Variants in PKDCC observed in about 807,000 individuals in gnomAD.
The protein encoded by PKDCC is extracellular tyrosine-protein kinase PKDCC.
A neutral mutation model predicts 44.7 loss-of-function variants in PKDCC; 35 were observed. That is an observed-to-expected ratio of 0.78 (90% CI 0.60 to 1.04). PKDCC has a LOEUF of 1.04. Among genes scored for constraint, PKDCC ranks in the 50% least tolerant of loss-of-function variants. The pLI is 0.00. For missense variants in PKDCC, 738 were observed against 672.7 expected (o/e 1.10, Z -1.07); for synonymous variants, 353 against 303.3 (o/e 1.16, Z -1.70).
Position 42,055,375 on chromosome 2 carries a change from ACGG to A in PKDCC, c.1206_1208del (p.Ala403del). ...GAGCGGGCAGTATCTGCAGAACTCCACGGCAAGCAGCAGTACCGGTGAGTGGCC... is the reference window on the plus strand; with the variant it reads ...GAGCGGGCAGTATCTGCAGAACTCCACAAGCAGCAGTACCGGTGAGTGGCC... On this transcript the variant is annotated inframe_deletion, in exon 5 of 7. Transcript: ENST00000294964. The surrounding 1 kb of genome is among the most constrained non-coding windows in gnomAD (Gnocchi z 4.5). The A allele has an allele frequency of 1.9e-6, 3 of 1,613,576 alleles. No individual in the cohort carries two copies. The highest frequency in any genetic ancestry group is 2.5e-6 in the Non-Finnish European group (3 of 1,179,934).
At chr2:42,056,445 C>G (rs184811517) in intron 5 of PKDCC, among the ~76,000 whole-genome samples, 1 of 152,072 alleles carries the variant, frequency 6.6e-6, no homozygotes, top group African/African-American at 2.4e-5. Flanking sequence ...TCAAAAACCC[C>G]GACTCCCTTC....
rs1447818695 is a variant in PKDCC at position 42,055,271 on chromosome 2, C to T, written c.1115-15C>T. 4 of 1,607,944 alleles carry T rather than the reference C, an allele frequency of 2.5e-6. No homozygotes were observed. Among genetic ancestry groups the T allele is most frequent in the Non-Finnish European group, 3.4e-6 (4 of 1,177,318 alleles). On this transcript the variant is annotated splice_polypyrimidine_tract_variant and intron_variant, in intron 4 of 6. Coordinates refer to ENST00000294964, the MANE Select transcript of PKDCC (RefSeq NM_138370.3). The surrounding 1 kb of genome is among the most constrained non-coding windows in gnomAD (Gnocchi z 4.5). ...AGCCCCAGGCATCCTGTCTTAGCCA[C>T]ACTGCACTCTGCAGGAGAGCTCGCC...
At position 42,048,790 on chromosome 2, in the gene PKDCC, T is replaced by G; in HGVS notation, c.591T>G (p.Leu197=). Residue 197 remains leucine (L), a synonymous_variant, in exon 1 of 7, where the codon CTT becomes CTG. Coordinates refer to ENST00000294964, the MANE Select transcript of PKDCC (RefSeq NM_138370.3). The surrounding 1 kb of genome is among the most constrained non-coding windows in gnomAD (Gnocchi z 6.2). ...ATCGGCTGGCGGCCCACAAGCTGCTTAAGGAGATGGTGCTGCTGGAGCGGC... is the reference window on the plus strand; with the variant it reads ...ATCGGCTGGCGGCCCACAAGCTGCTGAAGGAGATGGTGCTGCTGGAGCGGC... ...GCYRLAAHKL[L]KEMVLLERLR... 6.6e-7 allele frequency: 1 copy of G among 1,504,876 alleles called. No individual in the cohort carries two copies. Among genetic ancestry groups the G allele is most frequent in the Non-Finnish European group, 8.9e-7 (1 of 1,119,780 alleles). The allele number at this position is 1,504,876 out of a possible 1,614,324, so 93.2% of individuals were successfully genotyped here. A position where few individuals can be genotyped will look rare whatever the true frequency, so the allele number is the denominator to read the frequency against.
rs998596106 is a variant in PKDCC at position 42,054,509 on chromosome 2, G to A, written c.1034+202G>A. Reference sequence around the variant, plus strand: ...AAATAGACAGCTCCAAGGAGAATCCGGGTTAGGGGGTGGCAGCTGGAGGCT... The same window carrying A: ...AAATAGACAGCTCCAAGGAGAATCCAGGTTAGGGGGTGGCAGCTGGAGGCT... On this transcript the variant is annotated intron_variant, in intron 3 of 6. Transcript: ENST00000294964. This position sits in a 1 kb window ranked among gnomAD's most constrained non-coding sequence, Gnocchi z 6.1. The A allele has an allele frequency of 4.6e-6, 3 of 649,780 alleles. No homozygotes were observed. Among genetic ancestry groups the A allele is most frequent in the Non-Finnish European group, 7.7e-6 (3 of 388,852 alleles). 40.3% of individuals were successfully genotyped at this position (649,780 alleles called of 1,614,324 possible). A position where few individuals can be genotyped will look rare whatever the true frequency, so the allele number is the denominator to read the frequency against.
In PKDCC at chr2:42,054,935, C is replaced by T. The variant is rs746449609; in HGVS notation, c.1035-6C>T. 4 of 1,612,466 alleles carry T rather than the reference C, an allele frequency of 2.5e-6. No individual in the cohort carries two copies. The highest frequency in any genetic ancestry group is 3.4e-6 in the Non-Finnish European group (4 of 1,178,604). Reference sequence around the variant, plus strand: ...TTCCTGAGCCACTGGTTTCCCTCTGCCACAGGTTTTTCTTCACATACCTCC... The same window carrying T: ...TTCCTGAGCCACTGGTTTCCCTCTGTCACAGGTTTTTCTTCACATACCTCC... On this transcript the variant is annotated splice_region_variant and splice_polypyrimidine_tract_variant and intron_variant, in intron 3 of 6. Transcript: ENST00000294964. The surrounding 1 kb of genome is among the most constrained non-coding windows in gnomAD (Gnocchi z 6.1).
Position 42,051,914 on chromosome 2 carries a change from C to T in PKDCC, c.640-1325C>T, listed in dbSNP as rs192648409. On this transcript the variant is annotated intron_variant, in intron 1 of 6. Transcript: ENST00000294964. The surrounding 1 kb of genome is among the most constrained non-coding windows in gnomAD (Gnocchi z 4.2). ...TGCACAGGGATATCCACCCCTCCAC[C>T]GCATAGCTCTCCTCTCCCTGAGTCG... 3.2e-4 allele frequency among the ~76,000 whole-genome samples: 48 copies of T among 152,214 alleles called. No homozygotes were observed. Among genetic ancestry groups the T allele is most frequent in the African/African-American group, 7.9e-4 (33 of 41,524 alleles).
chr2:42,048,346 TCG>T lies in PKDCC; in HGVS notation c.150_151del (p.Gly52ProfsTer119). 1 of 1,161,048 alleles carries T rather than the reference TCG, an allele frequency of 8.6e-7. No individual in the cohort carries two copies. The highest frequency in any genetic ancestry group is 3.9e-5 in the East Asian group (1 of 25,634). The allele number at this position is 1,161,048 out of a possible 1,614,324, so 71.9% of individuals were successfully genotyped here. A position where few individuals can be genotyped will look rare whatever the true frequency, so the allele number is the denominator to read the frequency against. On this transcript the variant is annotated frameshift_variant, in exon 1 of 7. Transcript: ENST00000294964. LOFTEE classifies it high-confidence loss of function. This position sits in a 1 kb window ranked among gnomAD's most constrained non-coding sequence, Gnocchi z 6.2. Reference sequence around the variant, plus strand: ...CTTCGCCGGCCCCGGGTCCGGGCCGTCGCGGGGGCCGCGGGGAGCTGGCCCGG... The same window carrying T: ...CTTCGCCGGCCCCGGGTCCGGGCCGTCGGGGGCCGCGGGGAGCTGGCCCGG... ...EPSPAPGPGR[R>X]GGRGELARQI...
chr2:42,053,345 GGGA>G lies in PKDCC; in HGVS notation c.750_752del (p.Glu250del). 2 of 1,613,112 alleles carry G rather than the reference GGGA, an allele frequency of 1.2e-6. No individual in the cohort carries two copies. Among genetic ancestry groups the G allele is most frequent in the South Asian group, 2.2e-5 (2 of 90,950 alleles). ...ATGATCCAGCTGCTGCAAACTTCCT[GGGA>G]GGATCGATTCCGAGTGAGCTCAGAG... is the stretch of plus-strand genomic sequence containing the variant. On this transcript the variant is annotated inframe_deletion, in exon 2 of 7. Transcript: ENST00000294964.
chr2:42,054,135 G>C lies in PKDCC; in HGVS notation c.862G>C (p.Asp288His), dbSNP rs1435923217. Reference sequence around the variant, plus strand: ...CCGCCCTCGGCAGTTTGTGCTGGTGGATGGGGAGCTCAAAGTGACGGACCT... The same window carrying C: ...CCGCCCTCGGCAGTTTGTGCTGGTGCATGGGGAGCTCAAAGTGACGGACCT... ...DFRPRQFVLV[D>H]GELKVTDLDD... The change falls in exon 3 of 7, where the codon GAT (aspartate) becomes CAT (histidine). Residue 288 changes from aspartate (D) to histidine (H), a missense_variant. Coordinates refer to ENST00000294964, the MANE Select transcript of PKDCC (RefSeq NM_138370.3). This position sits in a 1 kb window ranked among gnomAD's most constrained non-coding sequence, Gnocchi z 6.1. 6.2e-7 allele frequency: 1 copy of C among 1,613,412 alleles called. No homozygotes were observed. The highest frequency in any genetic ancestry group is 8.5e-7 in the Non-Finnish European group (1 of 1,179,810).
At position 42,057,410 on chromosome 2, in the gene PKDCC, A is replaced by G; in HGVS notation, c.1396+16A>G. 1 of 1,613,980 alleles carries G rather than the reference A, an allele frequency of 6.2e-7. No homozygotes were observed. Among genetic ancestry groups the G allele is most frequent in the Non-Finnish European group, 8.5e-7 (1 of 1,179,938 alleles). ...ACCTGGACAGGTGAGCCAGTGGGAG[A>G]AGCCCTTCCAAGGGAGATGGCAGGA... On this transcript the variant is annotated intron_variant, in intron 6 of 6. Transcript: ENST00000294964.
chr2:42,056,094 A>G (rs1226313790), intron 5 of PKDCC, among the ~76,000 whole-genome samples: 1 of 152,208 alleles, frequency 6.6e-6, no homozygotes, highest in East Asian at 1.9e-4. Context: ...AAGTTTAACG[A>G]GGTGAACAAT....
chr2:42,052,194 C>A lies in PKDCC; in HGVS notation c.640-1045C>A, dbSNP rs1157458387. Among the ~76,000 whole-genome samples, 2 of 152,118 alleles carry A rather than the reference C, an allele frequency of 1.3e-5. No homozygotes were observed. The highest frequency in any genetic ancestry group is 2.9e-5 in the Non-Finnish European group (2 of 68,020). On this transcript the variant is annotated intron_variant, in intron 1 of 6. Coordinates refer to ENST00000294964, the MANE Select transcript of PKDCC (RefSeq NM_138370.3). This position sits in a 1 kb window ranked among gnomAD's most constrained non-coding sequence, Gnocchi z 4.3. Reference sequence around the variant, plus strand: ...AAAGAACTGATCTTCCAGGAGGAATCATCACTCACTACCACCCCCACTGAT... The same window carrying A: ...AAAGAACTGATCTTCCAGGAGGAATAATCACTCACTACCACCCCCACTGAT...
In PKDCC at chr2:42,048,203, C is replaced by G; in HGVS notation, c.4C>G (p.Arg2Gly). 8.5e-7 allele frequency: 1 copy of G among 1,172,712 alleles called. No individual in the cohort carries two copies. Among genetic ancestry groups the G allele is most frequent in the Non-Finnish European group, 1.1e-6 (1 of 944,940 alleles). The allele number at this position is 1,172,712 out of a possible 1,614,324, so 72.6% of individuals were successfully genotyped here. A position where few individuals can be genotyped will look rare whatever the true frequency, so the allele number is the denominator to read the frequency against. ...GCCGGCCGGGGGGAGGGGAGCGATG[C>G]GGCGCCGGCGGGCGGCAGTGGCCGC... Reference protein sequence around the residue: MRRRRAAVAAGF... With the variant: MGRRRAAVAAGF... Residue 2 changes from arginine to glycine, a missense_variant, in exon 1 of 7, where the codon CGG (arginine) becomes GGG (glycine). Arg to Gly is a moderately radical substitution (Grantham distance 125, BLOSUM62 -2). Transcript: ENST00000294964. The surrounding 1 kb of genome is among the most constrained non-coding windows in gnomAD (Gnocchi z 6.2).
chr2:42,053,299 G>A lies in PKDCC; in HGVS notation c.700G>A (p.Glu234Lys). ...DIPDTLTTIT[E>K]LGAPVEMIQL... Reference sequence around the variant, plus strand: ...CCCAGACACCCTGACCACCATCACGGAGCTGGGCGCCCCTGTAGAAATGAT... The same window carrying A: ...CCCAGACACCCTGACCACCATCACGAAGCTGGGCGCCCCTGTAGAAATGAT... Residue 234 changes from glutamate to lysine, a missense_variant, in exon 2 of 7, where the codon GAG (glutamate) becomes AAG (lysine). By Grantham distance (56) the Glu-to-Lys change is moderately conservative. Transcript: ENST00000294964. 1 of 1,613,316 alleles carries A rather than the reference G, an allele frequency of 6.2e-7. No homozygotes were observed. Among genetic ancestry groups the A allele is most frequent in the Non-Finnish European group, 8.5e-7 (1 of 1,179,628 alleles).
Position 42,057,821 on chromosome 2 carries a change from C to A in PKDCC, c.*133C>A. On this transcript the variant is annotated 3_prime_UTR_variant, in exon 7 of 7. Coordinates refer to ENST00000294964, the MANE Select transcript of PKDCC (RefSeq NM_138370.3). ...AGACAAAGCTAACATCCCAGACAGA[C>A]AGATGTGACCAGGACAAACGTGCAA... The A allele has an allele frequency of 1.4e-6, 1 of 707,320 alleles. No individual in the cohort carries two copies. Among genetic ancestry groups the A allele is most frequent in the Non-Finnish European group, 2.4e-6 (1 of 422,730 alleles). 43.8% of individuals were successfully genotyped at this position (707,320 alleles called of 1,614,324 possible). A position where few individuals can be genotyped will look rare whatever the true frequency, so the allele number is the denominator to read the frequency against.
chr2:42,053,190 TCCCCAC>T, intron 1 of PKDCC, 43 bp from the exon 2 acceptor site: 4 of 1,199,826 alleles, frequency 3.3e-6, no homozygotes, highest in African/African-American at 1.6e-5. Context: ...CCCTTCCCTG[TCCCCAC>T]CCCCACCCTG....
At position 42,054,499 on chromosome 2, in the gene PKDCC, A is replaced by G. The variant is rs1288751533; in HGVS notation, c.1034+192A>G. 20 of 688,264 alleles carry G rather than the reference A, an allele frequency of 2.9e-5. No individual in the cohort carries two copies. The East Asian group carries it at 3.9e-4, about 13-fold the overall frequency. 42.6% of individuals were successfully genotyped at this position (688,264 alleles called of 1,614,324 possible). A position where few individuals can be genotyped will look rare whatever the true frequency, so the allele number is the denominator to read the frequency against. On this transcript the variant is annotated intron_variant, in intron 3 of 6. Coordinates refer to ENST00000294964, the MANE Select transcript of PKDCC (RefSeq NM_138370.3). This position sits in a 1 kb window ranked among gnomAD's most constrained non-coding sequence, Gnocchi z 6.1. ...GAGAGGCTAAAAATAGACAGCTCCA[A>G]GGAGAATCCGGGTTAGGGGGTGGCA...
chr2:42,053,278 G>A lies in PKDCC; in HGVS notation c.679G>A (p.Asp227Asn), dbSNP rs180825578. 7.7e-6 allele frequency: 12 copies of A among 1,557,350 alleles called. No homozygotes were observed. In the African/African-American group the frequency reaches 1.5e-4, roughly 20 times the overall value. Reference protein sequence around the residue: ...YCYQDSEDIPDTLTTITELGA... With the variant: ...YCYQDSEDIPNTLTTITELGA... ...CTACCAGGACAGCGAGGACATCCCA[G>A]ACACCCTGACCACCATCACGGAGCT... is the stretch of plus-strand genomic sequence containing the variant. Residue 227 changes from aspartate to asparagine, a missense_variant, in exon 2 of 7, where the codon GAC becomes AAC. By Grantham distance (23) the Asp-to-Asn change is conservative. Transcript: ENST00000294964.
In PKDCC at chr2:42,057,251, C is replaced by G. The variant is rs774503435; in HGVS notation, c.1253C>G (p.Pro418Arg). 1 of 1,614,216 alleles carries G rather than the reference C, an allele frequency of 6.2e-7. No homozygotes were observed. Among genetic ancestry groups the G allele is most frequent in the Non-Finnish European group, 8.5e-7 (1 of 1,180,038 alleles). ...EYQCIPDSTI[P>R]QEDYRCWPSY... ...CAGTGTATCCCAGACAGCACCATCC[C>G]CCAGGAAGACTACCGCTGCTGGCCA... The change falls in exon 6 of 7, where the codon CCC becomes CGC. Residue 418 changes from proline (P) to arginine (R), a missense_variant. Transcript: ENST00000294964.
Sources: allele counts gnomAD v4.1 joint callset (sites outside exome capture counted in the v4.1 genomes callset), GRCh38; gene constraint gnomAD v4.1.1; non-coding constraint Gnocchi (gnomAD v3.1); transcripts MANE v1.5; gene names NCBI Gene and HGNC (gene_info 2026-07-23, HGNC 2026-07-21).